SLCO4C1: variants seen among roughly 807,000 people sequenced by gnomAD.
SLCO4C1 encodes organic anion transporter M1.
SLCO4C1 carries 58 observed loss-of-function variants against 72.1 expected under a neutral mutation model. The observed-to-expected ratio is 0.80, with a 90% CI of 0.65 to 1.00. The LOEUF (loss-of-function observed/expected upper bound fraction) is 1.00, where lower values mean the gene tolerates loss of function less well. SLCO4C1 is among the 50% of genes least tolerant of loss of function. The pLI, the probability that SLCO4C1 is intolerant of heterozygous loss-of-function variation, is 0.00. For missense variants in SLCO4C1, 898 were observed against 857.9 expected, an observed-to-expected ratio of 1.05 and a Z score of -0.58; for synonymous variants, 297 against 312.5, an observed-to-expected ratio of 0.95 and a Z score of 0.52.
intron 6 of SLCO4C1, among the ~76,000 whole-genome samples, chr5:102,258,790 A>T (rs1748886082): frequency 1.3e-5 from 2 of 151,946 alleles, no homozygotes; most frequent in Admixed American, 1.3e-4. Flanking sequence ...GTCACAAAGG[A>T]GCAAGATGGG....
chr5:102,295,035 C>T lies in SLCO4C1; in HGVS notation c.355+873G>A, dbSNP rs75961460. 4.2e-3 allele frequency among the ~76,000 whole-genome samples: 640 copies of T among 152,284 alleles called. 5 individuals carry two copies. The highest frequency in any genetic ancestry group is 7.7e-3 in the Non-Finnish European group (522 of 68,016). On this transcript the variant is annotated intron_variant, in intron 1 of 12. Transcript: ENST00000310954. ...CGGCATGTCCTTCTTGACTCCTCTCCACCTCTTCTCCACCCTTCCTCAAAG... is the reference window on the plus strand; with the variant it reads ...CGGCATGTCCTTCTTGACTCCTCTCTACCTCTTCTCCACCCTTCCTCAAAG...
chr5:102,292,408 T>A (rs1377192232), intron 1 of SLCO4C1, among the ~76,000 whole-genome samples: 1 of 152,120 alleles, frequency 6.6e-6, no homozygotes, highest in Non-Finnish European at 1.5e-5. Flanking sequence ...TAAACATATT[T>A]ATCTATGACA....
At chr5:102,242,633 C>T (rs1748566708) in intron 10 of SLCO4C1, among the ~76,000 whole-genome samples, 1 of 152,108 alleles carries the variant, frequency 6.6e-6, no homozygotes, top group Non-Finnish European at 1.5e-5. Context: ...GGAAATACAC[C>T]AGTCCTGACA....
At position 102,290,707 on chromosome 5, in the gene SLCO4C1, G is replaced by A. The variant is rs545253684; in HGVS notation, c.619+636C>T. On this transcript the variant is annotated intron_variant, in intron 2 of 12. Transcript: ENST00000310954. Reference sequence around the variant, plus strand: ...GAAGTCCCAGGAAGGACATTAAAATGTTAAGGTCTACTTTCATTTGTCCAC... The same window carrying A: ...GAAGTCCCAGGAAGGACATTAAAATATTAAGGTCTACTTTCATTTGTCCAC... 3.9e-5 allele frequency among the ~76,000 whole-genome samples: 6 copies of A among 152,232 alleles called. 1 individual carries two copies. The highest frequency in any genetic ancestry group is 2.6e-4 in the Admixed American group (4 of 15,288).
intron 12 of SLCO4C1, among the ~76,000 whole-genome samples, chr5:102,238,348 A>G (rs73185482): frequency 0.16 from 24,842 of 152,120 alleles, 2,191 homozygotes; most frequent in South Asian, 0.3. Flanking sequence ...TAAAAATTGA[A>G]TAAAAAATGG....
chr5:102,295,789 C>G, intron 1 of SLCO4C1, 119 bp downstream of exon 1: 3 of 1,036,328 alleles, frequency 2.9e-6, no homozygotes, highest in East Asian at 5.2e-5. Flanking sequence ...CCCGGGGCCA[C>G]CTTGCAGGGC....
At chr5:102,274,778 G>C (rs2112381566) in intron 2 of SLCO4C1, among the ~76,000 whole-genome samples, 1 of 152,228 alleles carries the variant, frequency 6.6e-6, no homozygotes, top group East Asian at 1.9e-4. Context: ...CCAGGGGGTA[G>C]CTGTACTTTT....
chr5:102,293,870 G>A (rs1749599871), intron 1 of SLCO4C1, among the ~76,000 whole-genome samples: 1 of 152,114 alleles, frequency 6.6e-6, no homozygotes, highest in South Asian at 2.1e-4. Flanking sequence ...GAATAGCTGG[G>A]ACTACAGGCG....
intron 2 of SLCO4C1, among the ~76,000 whole-genome samples, chr5:102,273,039 G>A (rs1304648339): frequency 1.3e-5 from 2 of 151,988 alleles, no homozygotes; most frequent in Non-Finnish European, 2.9e-5. Flanking sequence ...ATCATGTTTT[G>A]TTCTATAAAA....
At chr5:102,284,818 T>C (rs146129532) in intron 2 of SLCO4C1, among the ~76,000 whole-genome samples, 34 of 152,306 alleles carry the variant, frequency 2.2e-4, no homozygotes, top group African/African-American at 7.9e-4. Context: ...GAGAATGAGT[T>C]TGTGCTAAAA....
At chr5:102,240,021 T>G (rs1027798001) in intron 11 of SLCO4C1, among the ~76,000 whole-genome samples, 1 of 152,112 alleles carries the variant, frequency 6.6e-6, no homozygotes, top group African/African-American at 2.4e-5. Context: ...TGTTCTTTCA[T>G]GACCTGTAGC....
At chr5:102,281,283 T>G (rs1490964377) in intron 2 of SLCO4C1, among the ~76,000 whole-genome samples, 1 of 152,136 alleles carries the variant, frequency 6.6e-6, no homozygotes, top group Non-Finnish European at 1.5e-5. Flanking sequence ...ACATCTTTTA[T>G]ACAAATTAAC....
intron 11 of SLCO4C1, among the ~76,000 whole-genome samples, 155 bp downstream of exon 11, chr5:102,240,563 C>T (rs1349030625): frequency 2.6e-5 from 4 of 151,972 alleles, no homozygotes; most frequent in African/African-American, 9.7e-5. Flanking sequence ...GTAAATAATC[C>T]TATATCTGAA....
chr5:102,281,844 G>A (rs1372016968), intron 2 of SLCO4C1, among the ~76,000 whole-genome samples: 1 of 152,064 alleles, frequency 6.6e-6, no homozygotes, highest in Admixed American at 6.6e-5. Context: ...AAAACAGTTT[G>A]GCAGTTTCTC....
At chr5:102,276,509 T>G (rs1184733374) in intron 2 of SLCO4C1, among the ~76,000 whole-genome samples, 3 of 152,194 alleles carry the variant, frequency 2.0e-5, no homozygotes, top group Non-Finnish European at 2.9e-5. Flanking sequence ...CCTTCTATCA[T>G]GCAGTTCTTG....
At chr5:102,291,256 G>A (rs1749542685) in intron 2 of SLCO4C1, 87 bp downstream of exon 2, 4 of 1,367,218 alleles carry the variant, frequency 2.9e-6, no homozygotes, top group East Asian at 2.3e-5. Context: ...TTACCATACT[G>A]TGTAAGTGAA....
intron 8 of SLCO4C1, among the ~76,000 whole-genome samples, chr5:102,252,900 AAATAT>A: frequency 6.6e-6 from 1 of 152,230 alleles, no homozygotes; most frequent in South Asian, 2.1e-4. Flanking sequence ...AATAGATTTA[AAATAT>A]AATAAAATAA....
chr5:102,259,150 G>C (rs1032995774), intron 6 of SLCO4C1, among the ~76,000 whole-genome samples: 1 of 151,994 alleles, frequency 6.6e-6, no homozygotes, highest in East Asian at 1.9e-4. Flanking sequence ...TGATCCAAAA[G>C]TATTCACCTA....
Position 102,257,293 on chromosome 5 carries a change from C to T in SLCO4C1, c.1291G>A (p.Gly431Arg). Reference sequence around the variant, plus strand: ...CCTAAAATTTGACCGAGAGCAGCTCCAGGAATTAAAACAGCCCCTAATAAG... The same window carrying T: ...CCTAAAATTTGACCGAGAGCAGCTCTAGGAATTAAAACAGCCCCTAATAAG... Reference protein sequence around the residue: ...ATLGGAVLIPGAALGQILGGF... With the variant: ...ATLGGAVLIPRAALGQILGGF... The change falls in exon 8 of 13, where the codon GGA becomes AGA. Residue 431 changes from glycine (G) to arginine (R), a missense_variant. Coordinates refer to ENST00000310954, the MANE Select transcript of SLCO4C1 (RefSeq NM_180991.5). 4 of 1,597,142 alleles carry T rather than the reference C, an allele frequency of 2.5e-6. No individual in the cohort carries two copies. The highest frequency in any genetic ancestry group is 3.4e-6 in the Non-Finnish European group (4 of 1,173,558).
Sources: gnomAD v4.1 joint callset for allele counts (sites outside exome capture counted in the v4.1 genomes callset) on GRCh38, gnomAD v4.1.1 for gene constraint, MANE v1.5 for transcripts, NCBI Gene and HGNC (gene_info 2026-07-23, HGNC 2026-07-21) for gene names.